Variants in STK38L observed in about 807,000 individuals in gnomAD.
STK38L encodes the protein serine/threonine-protein kinase 38-like.
STK38L carries 28 observed loss-of-function variants against 59.7 expected under a neutral mutation model. The observed-to-expected ratio is 0.47, with a 90% CI of 0.35 to 0.64. The LOEUF is 0.64. Ranked by LOEUF, STK38L falls within the 30% of genes least tolerant of loss-of-function variation. The pLI, the probability that STK38L is intolerant of heterozygous loss-of-function variation, is 0.01. For synonymous variants in STK38L, 162 were observed against 176.8 expected, an observed-to-expected ratio of 0.92 and a Z score of 0.66; for missense variants, 314 against 555.8, an observed-to-expected ratio of 0.56 and a Z score of 4.37.
intron 1 of STK38L, among the ~76,000 whole-genome samples, chr12:27,290,209 A>G (rs1943866824): frequency 1.3e-5 from 2 of 152,336 alleles, no homozygotes; most frequent in East Asian, 1.9e-4. Context: ...AAGCATGCAC[A>G]CAAGGTGGCT....
At chr12:27,285,983 G>GT (rs1339709326) in intron 1 of STK38L, among the ~76,000 whole-genome samples, 4 of 152,132 alleles carry the variant, frequency 2.6e-5, no homozygotes, top group African/African-American at 7.2e-5. Context: ...TTGAGCCCTC[G>GT]TAAATATGCC....
intron 11 of STK38L, among the ~76,000 whole-genome samples, chr12:27,318,266 C>G (rs1226642399): frequency 1.3e-5 from 2 of 152,204 alleles, no homozygotes; most frequent in African/African-American, 4.8e-5. Flanking sequence ...CAAAAGGTCA[C>G]TTCTGTTAGA....
chr12:27,282,918 C>T (rs1033196575), intron 1 of STK38L, among the ~76,000 whole-genome samples: 4 of 152,174 alleles, frequency 2.6e-5, no homozygotes, highest in African/African-American at 9.7e-5. Flanking sequence ...TTCACCATGT[C>T]TAGCTGTATG....
chr12:27,264,906 G>A (rs1385338444), intron 1 of STK38L, among the ~76,000 whole-genome samples: 3 of 152,146 alleles, frequency 2.0e-5, no homozygotes, highest in Non-Finnish European at 4.4e-5. Context: ...GCTGTTGGAT[G>A]ACAAAAACAT....
intron 2 of STK38L, chr12:27,298,560 T>C (rs1002334321): frequency 2.0e-5 from 3 of 152,208 alleles, no homozygotes; most frequent in African/African-American, 7.2e-5. Flanking sequence ...AGAAAACTTA[T>C]ACTAAAGGAG....
Position 27,315,494 on chromosome 12 carries a change from T to C in STK38L, c.837+144T>C, listed in dbSNP as rs569610346. 5 of 680,524 alleles carry C rather than the reference T, an allele frequency of 7.3e-6. No individual in the cohort carries two copies. In the East Asian group the frequency reaches 1.2e-4, roughly 16 times the overall value. The allele number at this position is 680,524 out of a possible 1,614,324, so 42.2% of individuals were successfully genotyped here. A position where few individuals can be genotyped will look rare whatever the true frequency, so the allele number is the denominator to read the frequency against. ...TTGCTCTGGGATCACACAGTTTTCT[T>C]AGTTTCTCTGTTAAGTTTCCTTGCC... On this transcript the variant is annotated intron_variant, in intron 9 of 13. Transcript: ENST00000389032.
Position 27,320,939 on chromosome 12 carries a change from C to T in STK38L, c.1176-1204C>T, listed in dbSNP as rs78164830. Among the ~76,000 whole-genome samples, 1,481 of 152,128 alleles carry T rather than the reference C, an allele frequency of 9.7e-3. 19 individuals are homozygous for T. Among genetic ancestry groups the T allele is most frequent in the African/African-American group, 0.034 (1,392 of 41,488 alleles). On this transcript the variant is annotated intron_variant, in intron 12 of 13. Transcript: ENST00000389032. ...CCACTATGCTGTATAATACTATACA[C>T]ACATAACTTAATTGAATAGAACTAG... is the stretch of plus-strand genomic sequence containing the variant.
rs1944058868 is a variant in STK38L at position 27,297,704 on chromosome 12, T to C, written c.-11-6T>C. ...CTGAATAATTTGTTTTTCTATGTTG[T>C]TTCAGTTTCCGTTACTATGGCAATG... is the stretch of plus-strand genomic sequence containing the variant. On this transcript the variant is annotated splice_polypyrimidine_tract_variant and splice_region_variant and intron_variant, in intron 1 of 13. Transcript: ENST00000389032. 6.2e-7 allele frequency: 1 copy of C among 1,601,604 alleles called. No individual in the cohort carries two copies. Among genetic ancestry groups the C allele is most frequent in the Admixed American group, 1.7e-5 (1 of 57,366 alleles).
At chr12:27,302,463 G>A (rs1244444016) in intron 3 of STK38L, 6 of 241,344 alleles carry the variant, frequency 2.5e-5, no homozygotes, top group Admixed American at 2.2e-4. Flanking sequence ...TTAATCAATC[G>A]TTAGCTTTTC....
At chr12:27,273,902 C>T (rs184310454) in intron 1 of STK38L, among the ~76,000 whole-genome samples, 1 of 152,198 alleles carries the variant, frequency 6.6e-6, no homozygotes, top group Admixed American at 6.5e-5. Flanking sequence ...AACATAAGTA[C>T]GTGTGGTTTG....
rs537019079 is a variant in STK38L at position 27,272,457 on chromosome 12, A to G, written c.-11-25253A>G. Among the ~76,000 whole-genome samples the G allele has an allele frequency of 3.3e-5, 5 of 152,332 alleles. No individual in the cohort carries two copies. In the East Asian group the frequency reaches 9.6e-4, roughly 29 times the overall value. Reference sequence around the variant, plus strand: ...TTTCCTTTTGATTTCCCCTCAAGGAAGGACTGGGAAAGTAGCTCTTTTCCC... The same window carrying G: ...TTTCCTTTTGATTTCCCCTCAAGGAGGGACTGGGAAAGTAGCTCTTTTCCC... On this transcript the variant is annotated intron_variant, in intron 1 of 13. Coordinates refer to ENST00000389032, the MANE Select transcript of STK38L (RefSeq NM_015000.4).
In STK38L at chr12:27,325,107, TTC is replaced by T. The variant is rs1266981635; in HGVS notation, c.*2654_*2655del. 1 of 152,154 alleles carries T rather than the reference TTC, an allele frequency of 6.6e-6. No homozygotes were observed. Among genetic ancestry groups the T allele is most frequent in the Non-Finnish European group, 1.5e-5 (1 of 67,974 alleles). The allele number at this position is 152,154 out of a possible 1,614,324, so 9.4% of individuals were successfully genotyped here. On this transcript the variant is annotated 3_prime_UTR_variant, in exon 14 of 14. Coordinates refer to ENST00000389032, the MANE Select transcript of STK38L (RefSeq NM_015000.4). ...TGTATTAAAGCAAGTTATGTTATTT[TTC>T]TTTTATGCATTTATTACTAACATAG...
intron 9 of STK38L, 122 bp from the exon 10 acceptor site, chr12:27,317,214 C>A: frequency 3.0e-6 from 2 of 677,614 alleles, no homozygotes; most frequent in East Asian, 5.1e-5. Flanking sequence ...GATAAACATG[C>A]AAAATAAATA....
At chr12:27,317,554 T>G in intron 10 of STK38L, 101 bp downstream of exon 10, 1 of 1,004,526 alleles carries the variant, frequency 1.0e-6, no homozygotes, top group Non-Finnish European at 1.5e-6. Context: ...TTTGAAGTCT[T>G]TTAAGCTTAA....
At chr12:27,284,960 A>G (rs1943739415) in intron 1 of STK38L, among the ~76,000 whole-genome samples, 1 of 152,198 alleles carries the variant, frequency 6.6e-6, no homozygotes, top group Admixed American at 6.5e-5. Flanking sequence ...GTCACATGGT[A>G]TGTCTGCTTT....
chr12:27,246,645 C>A (rs1341642471), intron 1 of STK38L, among the ~76,000 whole-genome samples: 2 of 152,102 alleles, frequency 1.3e-5, no homozygotes, highest in Non-Finnish European at 2.9e-5. Flanking sequence ...AAAAATCTGT[C>A]TTTGGTTAGT....
At chr12:27,282,424 A>G (rs10771331) in intron 1 of STK38L, among the ~76,000 whole-genome samples, 130,034 of 152,226 alleles carry the variant, frequency 0.85, 55,743 homozygotes, top group Non-Finnish European at 0.89. Context: ...ATAGAAAAGT[A>G]GGCAACAGTC....
intron 10 of STK38L, 67 bp from the exon 11 acceptor site, chr12:27,317,829 G>A: frequency 6.3e-7 from 1 of 1,592,182 alleles, no homozygotes; most frequent in Non-Finnish European, 8.5e-7. Flanking sequence ...TGTCGCACAT[G>A]TTTGGTGGGT....
At chr12:27,300,246 C>T (rs1944132944) in intron 2 of STK38L, among the ~76,000 whole-genome samples, 1 of 152,084 alleles carries the variant, frequency 6.6e-6, no homozygotes, top group African/African-American at 2.4e-5. Context: ...ATTTTTAAGG[C>T]TTAACTAATT....
Sources: gnomAD v4.1 joint callset for allele counts (sites outside exome capture counted in the v4.1 genomes callset) on GRCh38, gnomAD v4.1.1 for gene constraint, MANE v1.5 for transcripts, NCBI Gene and HGNC (gene_info 2026-07-23, HGNC 2026-07-21) for gene names.